Variants in STARD13 observed in about 807,000 individuals in gnomAD.
STARD13 encodes StAR related lipid transfer domain containing 13.
Under a neutral mutation model 106.4 loss-of-function variants are expected in STARD13, and 62 were observed. The observed-to-expected ratio is 0.58, with a 90% CI of 0.48 to 0.72. The LOEUF is 0.72. STARD13 is among the 30% of genes least tolerant of loss of function. The pLI, the probability that STARD13 is intolerant of heterozygous loss-of-function variation, is 0.00. For missense variants in STARD13, 1,387 were observed against 1,424.0 expected (o/e 0.97, Z 0.42); for synonymous variants, 565 against 553.0 (o/e 1.02, Z -0.31).
intron 3 of STARD13, among the ~76,000 whole-genome samples, chr13:33,151,418 A>G (rs1391860907): frequency 6.6e-6 from 1 of 152,110 alleles, no homozygotes; most frequent in Non-Finnish European, 1.5e-5. Context: ...GAAAAGGGGA[A>G]GGTTCCAGGC....
At chr13:33,585,036 A>T in the STARD13 span, among the ~76,000 whole-genome samples, 1 of 152,224 alleles carries the variant, frequency 6.6e-6, no homozygotes, top group Non-Finnish European at 1.5e-5. Flanking sequence ...TTCATAATTT[A>T]TAAATTATCC....
intron 7 of STARD13, 46 bp from the exon 8 acceptor site, chr13:33,118,309 G>A (rs999499022): frequency 1.9e-6 from 3 of 1,540,792 alleles, no homozygotes; most frequent in South Asian, 1.1e-5. Context: ...ACACTTGGTT[G>A]TGAGGAGGAG....
At chr13:33,630,197 G>A in the STARD13 span, among the ~76,000 whole-genome samples, 1 of 152,194 alleles carries the variant, frequency 6.6e-6, no homozygotes, top group Non-Finnish European at 1.5e-5. Context: ...TTCCCAGAGC[G>A]ACTCAGCAAA....
At chr13:33,565,872 A>G in the STARD13 span, among the ~76,000 whole-genome samples, 4 of 148,476 alleles carry the variant, frequency 2.7e-5, 1 homozygote, top group Non-Finnish European at 6.0e-5. Flanking sequence ...TTCTTTGGAA[A>G]GCTTTCCCAA....
the STARD13 span, among the ~76,000 whole-genome samples, chr13:33,634,983 G>C: frequency 6.6e-6 from 1 of 152,180 alleles, no homozygotes; most frequent in Non-Finnish European, 1.5e-5. Context: ...CTATGCACCA[G>C]CTCTTCTTTG....
intron 1 of STARD13, among the ~76,000 whole-genome samples, chr13:33,215,984 G>A (rs1345298505): frequency 6.6e-6 from 1 of 152,160 alleles, no homozygotes; most frequent in African/African-American, 2.4e-5. Flanking sequence ...CTAATGATCA[G>A]GGAATGCAAA....
chr13:33,280,252 A>G (rs1369680776), intron 1 of STARD13: 1 of 152,234 alleles, frequency 6.6e-6, no homozygotes, highest in Non-Finnish European at 1.5e-5. Flanking sequence ...TTGACATAGT[A>G]ATGAGGGGGA....
chr13:33,461,444 A>G, the STARD13 span, among the ~76,000 whole-genome samples: 3 of 152,062 alleles, frequency 2.0e-5, no homozygotes, highest in Non-Finnish European at 2.9e-5. Flanking sequence ...TATTATTAGC[A>G]CTCCATTTAA....
At chr13:33,112,673 G>A (rs778747530) in intron 9 of STARD13, 48 bp downstream of exon 9, 10 of 1,445,056 alleles carry the variant, frequency 6.9e-6, no homozygotes, top group East Asian at 2.3e-5. Flanking sequence ...ATGAACTGTG[G>A]GAATGCCTGC....
chr13:33,230,750 T>G (rs1055808576), intron 1 of STARD13, among the ~76,000 whole-genome samples: 1 of 152,230 alleles, frequency 6.6e-6, no homozygotes, highest in Non-Finnish European at 1.5e-5. Context: ...TCTTTACTCA[T>G]TTTATGTTTG....
the STARD13 span, among the ~76,000 whole-genome samples, chr13:33,543,590 A>G: frequency 3.3e-5 from 5 of 152,170 alleles, no homozygotes; most frequent in African/African-American, 9.7e-5. Flanking sequence ...TTTCCTTTAG[A>G]GTTTAGATAG....
At chr13:33,460,686 C>T in the STARD13 span, among the ~76,000 whole-genome samples, 2 of 150,812 alleles carry the variant, frequency 1.3e-5, no homozygotes, top group Admixed American at 6.6e-5. Context: ...CATTAATATG[C>T]TACATTTTTT....
At chr13:33,647,272 A>T in the STARD13 span, among the ~76,000 whole-genome samples, 1 of 152,218 alleles carries the variant, frequency 6.6e-6, no homozygotes, top group East Asian at 1.9e-4. Context: ...TCCACATCCC[A>T]TGGGACTCAA....
chr13:33,215,123 G>GGT (rs1555249047), intron 1 of STARD13, among the ~76,000 whole-genome samples: 102 of 128,898 alleles, frequency 7.9e-4, no homozygotes, highest in African/African-American at 2.8e-3. Flanking sequence ...AGTACTTGGG[G>GGT]GGGGGGGTGG....
At chr13:33,416,520 A>C in the STARD13 span, among the ~76,000 whole-genome samples, 1 of 152,194 alleles carries the variant, frequency 6.6e-6, no homozygotes, top group Admixed American at 6.5e-5. Context: ...ATGGACAGGG[A>C]GTAGAAACGA....
the STARD13 span, among the ~76,000 whole-genome samples, chr13:33,531,237 C>T: frequency 2.0e-3 from 299 of 152,332 alleles, 2 homozygotes; most frequent in African/African-American, 6.8e-3. Context: ...ACCCATTAAA[C>T]CTCTTTCTTT....
the STARD13 span, among the ~76,000 whole-genome samples, chr13:33,412,568 G>C: frequency 6.6e-6 from 1 of 152,076 alleles, no homozygotes; most frequent in African/African-American, 2.4e-5. Flanking sequence ...ACTTTATGCT[G>C]TCTATGAGGA....
chr13:33,621,090 T>C, the STARD13 span, among the ~76,000 whole-genome samples: 4 of 151,754 alleles, frequency 2.6e-5, no homozygotes, highest in African/African-American at 9.7e-5. Flanking sequence ...AAGAGCAAAC[T>C]AAACTTAAAG....
chr13:33,286,852 G>GTA (rs766554372), upstream of STARD13, among the ~76,000 whole-genome samples: 2 of 151,824 alleles, frequency 1.3e-5, no homozygotes, highest in South Asian at 2.1e-4. Context: ...GAGTGTGTGT[G>GTA]TATATATATA....
Sources: gnomAD v4.1 joint callset for allele counts (sites outside exome capture counted in the v4.1 genomes callset) on GRCh38, gnomAD v4.1.1 for gene constraint, MANE v1.5 for transcripts, NCBI Gene and HGNC (gene_info 2026-07-23, HGNC 2026-07-21) for gene names.